Variants in GLIS3 observed in about 807,000 individuals in gnomAD.
GLIS3 encodes the protein GLIS family zinc finger 3.
Under a neutral mutation model 78.6 loss-of-function variants are expected in GLIS3, and 53 were observed. The ratio of observed to expected loss-of-function variants is 0.67; its 90% CI spans 0.54 to 0.85. The LOEUF (loss-of-function observed/expected upper bound fraction) is 0.85. GLIS3 is among the 40% of genes least tolerant of loss of function. GLIS3 has a pLI of 0.00. For missense variants in GLIS3, 1,703 were observed against 1,231.1 expected (o/e 1.38, Z -5.74); for synonymous variants, 684 against 509.9 (o/e 1.34, Z -4.60).
the GLIS3 span, among the ~76,000 whole-genome samples, chr9:4,390,807 G>T: frequency 6.6e-6 from 1 of 152,258 alleles, no homozygotes; most frequent in Non-Finnish European, 1.5e-5. Context: ...CTTGGACTCC[G>T]CTGGGACAGG....
At chr9:4,221,206 A>G (rs1821304149) in intron 2 of GLIS3, among the ~76,000 whole-genome samples, 1 of 152,208 alleles carries the variant, frequency 6.6e-6, no homozygotes, top group African/African-American at 2.4e-5. Context: ...TCATTTTTGA[A>G]GAGTAGAAAG....
At chr9:4,014,006 C>T (rs1045599782) in intron 4 of GLIS3, among the ~76,000 whole-genome samples, 5 of 152,110 alleles carry the variant, frequency 3.3e-5, no homozygotes, top group Non-Finnish European at 7.4e-5. Flanking sequence ...CGTGGCTCAC[C>T]GTGATTCTGA....
chr9:4,095,840 G>T (rs1458623880), intron 4 of GLIS3, among the ~76,000 whole-genome samples: 1 of 152,094 alleles, frequency 6.6e-6, no homozygotes, highest in South Asian at 2.1e-4. Context: ...ACTCCACAAG[G>T]TAAGTATTAT....
At chr9:3,836,019 C>T (rs986422170) in intron 9 of GLIS3, among the ~76,000 whole-genome samples, 5 of 152,300 alleles carry the variant, frequency 3.3e-5, no homozygotes, top group East Asian at 1.9e-4. Flanking sequence ...ATGTAATTCT[C>T]TTTTCTGGAA....
chr9:3,953,146 C>A (rs1816814535), intron 4 of GLIS3, among the ~76,000 whole-genome samples: 1 of 151,976 alleles, frequency 6.6e-6, no homozygotes, highest in African/African-American at 2.4e-5. Flanking sequence ...GAAAATTTAG[C>A]CATATCTTTA....
chr9:3,861,941 T>A (rs1425241527), intron 8 of GLIS3, among the ~76,000 whole-genome samples: 1 of 103,834 alleles, frequency 9.6e-6, no homozygotes, highest in African/African-American at 2.9e-5. Context: ...GAACTTAAAC[T>A]TAACTTAAAT....
intron 6 of GLIS3, among the ~76,000 whole-genome samples, chr9:3,927,389 A>AG (rs1190967523): frequency 1.3e-5 from 2 of 152,228 alleles, no homozygotes; most frequent in African/African-American, 2.4e-5. Context: ...GGTATATCCA[A>AG]GGCTCTGAGA....
chr9:3,895,732 T>A (rs1822783317), intron 7 of GLIS3, among the ~76,000 whole-genome samples: 1 of 152,182 alleles, frequency 6.6e-6, no homozygotes, highest in Non-Finnish European at 1.5e-5. Context: ...AAAGTATCCT[T>A]CTCTTAGAAT....
the GLIS3 span, among the ~76,000 whole-genome samples, chr9:4,394,650 C>G: frequency 6.6e-6 from 1 of 152,180 alleles, no homozygotes; most frequent in Non-Finnish European, 1.5e-5. Flanking sequence ...ACCCCAAAGT[C>G]TTTCAGAAAA....
chr9:4,329,586 C>G (rs1817653362), intron 2 of GLIS3, among the ~76,000 whole-genome samples: 1 of 152,012 alleles, frequency 6.6e-6, no homozygotes, highest in African/African-American at 2.4e-5. Context: ...CACACTGTGC[C>G]AAGTACAGCA....
chr9:4,248,174 G>C (rs1445324271), intron 2 of GLIS3, among the ~76,000 whole-genome samples: 1 of 152,090 alleles, frequency 6.6e-6, no homozygotes, highest in Non-Finnish European at 1.5e-5. Flanking sequence ...GTGACATAAT[G>C]GTTTGCTGCA....
chr9:3,908,216 T>A (rs583963), intron 6 of GLIS3, among the ~76,000 whole-genome samples: 132,607 of 152,180 alleles, frequency 0.87, 57,970 homozygotes, highest in Non-Finnish European at 0.91. Context: ...TTGCTGCTTG[T>A]TACTGTATAG....
chr9:3,998,957 G>A (rs1173472350), intron 4 of GLIS3, among the ~76,000 whole-genome samples: 1 of 151,634 alleles, frequency 6.6e-6, no homozygotes, highest in Non-Finnish European at 1.5e-5. Flanking sequence ...GCAAAATTAA[G>A]CAAATAAATA....
At chr9:4,135,319 C>G (rs1256409036) in intron 2 of GLIS3, among the ~76,000 whole-genome samples, 1 of 152,088 alleles carries the variant, frequency 6.6e-6, no homozygotes, top group African/African-American at 2.4e-5. Flanking sequence ...ATAATCCACC[C>G]CCGACATCTA....
chr9:4,172,666 A>G (rs987934591), intron 2 of GLIS3, among the ~76,000 whole-genome samples: 3 of 152,218 alleles, frequency 2.0e-5, no homozygotes, highest in Admixed American at 2.0e-4. Context: ...AATGAATCAT[A>G]GTACAAAAGG....
At chr9:4,276,307 G>A (rs1162493749) in intron 2 of GLIS3, among the ~76,000 whole-genome samples, 1 of 131,744 alleles carries the variant, frequency 7.6e-6, no homozygotes, top group East Asian at 2.2e-4. Flanking sequence ...GAGAAGAGAA[G>A]AAAATGGAGG....
chr9:4,127,921 G>C lies in GLIS3; in HGVS notation c.389-1980C>G, dbSNP rs577240805. Reference sequence around the variant, plus strand: ...AGCATCCAAGGAATACTACTTGATGGCAAAACATACCAATAGATTATTTCA... The same window carrying C: ...AGCATCCAAGGAATACTACTTGATGCCAAAACATACCAATAGATTATTTCA... On this transcript the variant is annotated intron_variant, in intron 2 of 10. Coordinates refer to ENST00000381971, the MANE Select transcript of GLIS3 (RefSeq NM_001042413.2). 3.1e-4 allele frequency among the ~76,000 whole-genome samples: 47 copies of C among 152,242 alleles called. 1 individual carries two copies. The South Asian group carries it at 9.3e-3, about 30-fold the overall frequency.
intron 4 of GLIS3, among the ~76,000 whole-genome samples, chr9:3,954,088 A>G (rs1001121082): frequency 6.6e-6 from 1 of 152,116 alleles, no homozygotes; most frequent in African/African-American, 2.4e-5. Flanking sequence ...TGTTCTCCCT[A>G]CCTTAATTAT....
chr9:4,192,134 G>A (rs1026979236), intron 2 of GLIS3, among the ~76,000 whole-genome samples: 5 of 152,104 alleles, frequency 3.3e-5, no homozygotes, highest in African/African-American at 1.2e-4. Context: ...GTAAAGAATT[G>A]ATGCTCTTAA....
Sources: gnomAD v4.1 joint callset for allele counts (sites outside exome capture counted in the v4.1 genomes callset) on GRCh38, gnomAD v4.1.1 for gene constraint, MANE v1.5 for transcripts, NCBI Gene and HGNC (gene_info 2026-07-23, HGNC 2026-07-21) for gene names.